PAXIP1: variants seen among roughly 807,000 people sequenced by gnomAD.
PAXIP1 encodes the protein PAX-interacting protein 1.
In PAXIP1, 19 loss-of-function variants were observed where a neutral mutation model predicts 140.6. The ratio of observed to expected loss-of-function variants is 0.14; its 90% confidence interval spans 0.09 to 0.20. The LOEUF (loss-of-function observed/expected upper bound fraction) is 0.20, where lower values mean the gene tolerates loss of function less well. PAXIP1 is among the 10% of genes least tolerant of loss of function. PAXIP1 has a pLI of 1.00. For synonymous variants in PAXIP1, 442 were observed against 444.6 expected, an observed-to-expected ratio of 0.99 and a Z score of 0.07; for missense variants, 920 against 1,208.6, an observed-to-expected ratio of 0.76 and a Z score of 3.54.
At position 154,946,694 on chromosome 7, in the gene PAXIP1, C is replaced by T. The variant is rs61752002; in HGVS notation, c.3042G>A (p.Glu1014=). The part of the protein sequence containing the change: ...SKQPSFRKLM[E]HKQNSSLSEI... ...CTCTACCCACCGAGTTCTGCTTGTG[C>T]TCCATGAGCTTCCGGAAAGATGGCT... Residue 1014 remains glutamate (E), a synonymous_variant, in exon 18 of 21, where the codon GAG becomes GAA. Transcript: ENST00000404141. The surrounding 1 kb of genome is among the most constrained non-coding windows in gnomAD (Gnocchi z 4.9). 1.1e-4 allele frequency: 179 copies of T among 1,613,696 alleles called. No individual in the cohort carries two copies. The highest frequency in any genetic ancestry group is 1.5e-4 in the Non-Finnish European group (174 of 1,179,864).
At chr7:154,983,491 TTATTA>T in intron 4 of PAXIP1, 159 bp from the exon 5 acceptor site, 1 of 552,240 alleles carries the variant, frequency 1.8e-6, no homozygotes, top group Admixed American at 3.9e-5. Context: ...AGCTATCTGC[TTATTA>T]TAACAAAAAC....
intron 20 of PAXIP1, chr7:154,945,827 G>A (rs1209445934): frequency 1.0e-6 from 1 of 983,758 alleles, no homozygotes; most frequent in East Asian, 1.1e-4. Flanking sequence ...CAGATGATGA[G>A]CTTTATTTTT....
chr7:154,972,970 G>T (rs1388631931), intron 6 of PAXIP1, among the ~76,000 whole-genome samples: 1 of 152,202 alleles, frequency 6.6e-6, no homozygotes, highest in Non-Finnish European at 1.5e-5. Flanking sequence ...TTGCTGCTCT[G>T]TGGCTGAGGC....
In PAXIP1 at chr7:154,978,090, T is replaced by A. The variant is rs1425191197; in HGVS notation, c.439-1759A>T. Among the ~76,000 whole-genome samples the A allele has an allele frequency of 8.5e-5, 13 of 152,358 alleles. No individual in the cohort carries two copies. The East Asian group carries it at 2.5e-3, about 29-fold the overall frequency. On this transcript the variant is annotated intron_variant, in intron 5 of 20. Coordinates refer to ENST00000404141, the MANE Select transcript of PAXIP1 (RefSeq NM_007349.4). ...TTCTCCTGAACTTTGTTTACGGATC[T>A]CAAATTGATAAAGACTTTCTAAACC...
rs200868075 is a variant in PAXIP1 at position 154,946,437 on chromosome 7, G to A, written c.3134-12C>T. ...TGCATTGTGAACATCTGAACAGGGT[G>A]GAAACAGACACTTTAGTTAGAGATC... On this transcript the variant is annotated splice_polypyrimidine_tract_variant and intron_variant, in intron 19 of 20. Transcript: ENST00000404141. The surrounding 1 kb of genome is among the most constrained non-coding windows in gnomAD (Gnocchi z 4.9). 4.9e-5 allele frequency: 79 copies of A among 1,612,716 alleles called. No homozygotes were observed. In the African/African-American group the frequency reaches 1.0e-3, roughly 20 times the overall value.
intron 3 of PAXIP1, among the ~76,000 whole-genome samples, chr7:154,991,570 A>G (rs983705138): frequency 6.6e-6 from 1 of 152,250 alleles, no homozygotes; most frequent in Non-Finnish European, 1.5e-5. Flanking sequence ...GAACTTAGGC[A>G]AGACAACTGT....
At chr7:154,961,482 T>A (rs1398462701) in intron 11 of PAXIP1, 45 bp downstream of exon 11, 1 of 1,489,632 alleles carries the variant, frequency 6.7e-7, no homozygotes, top group Non-Finnish European at 9.1e-7. Flanking sequence ...GCCACTATAT[T>A]GTGTGTAAAT....
At position 154,963,836 on chromosome 7, in the gene PAXIP1, A is replaced by C; in HGVS notation, c.1894-70T>G. 9.9e-7 allele frequency: 1 copy of C among 1,010,544 alleles called. No homozygotes were observed. Among genetic ancestry groups the C allele is most frequent in the Admixed American group, 1.9e-5 (1 of 51,290 alleles). The allele number at this position is 1,010,544 out of a possible 1,614,324, so 62.6% of individuals were successfully genotyped here. A position where few individuals can be genotyped will look rare whatever the true frequency, so the allele number is the denominator to read the frequency against. On this transcript the variant is annotated intron_variant, in intron 8 of 20. Coordinates refer to ENST00000404141, the MANE Select transcript of PAXIP1 (RefSeq NM_007349.4). This position sits in a 1 kb window ranked among gnomAD's most constrained non-coding sequence, Gnocchi z 4.1. ...TAGAGGAGAATTCCAATTTCAAATA[A>C]GGCAGCTATTAAAAGACTCTATCAT...
Position 154,969,134 on chromosome 7 carries a change from A to C in PAXIP1, c.1075-8T>G. 1 of 1,455,708 alleles carries C rather than the reference A, an allele frequency of 6.9e-7. No homozygotes were observed. The highest frequency in any genetic ancestry group is 1.5e-5 in the South Asian group (1 of 68,316). 90.2% of individuals were successfully genotyped at this position (1,455,708 alleles called of 1,614,324 possible). A position where few individuals can be genotyped will look rare whatever the true frequency, so the allele number is the denominator to read the frequency against. On this transcript the variant is annotated splice_region_variant and splice_polypyrimidine_tract_variant and intron_variant, in intron 6 of 20. Coordinates refer to ENST00000404141, the MANE Select transcript of PAXIP1 (RefSeq NM_007349.4). ...TGAAAGAGTCTGTAAGATCTACAAA[A>C]CAAAAGTTAGGTGAAACATTATCAA...
intron 20 of PAXIP1, chr7:154,944,961 G>C (rs1485951692): frequency 6.6e-6 from 1 of 151,212 alleles, no homozygotes; most frequent in Non-Finnish European, 1.5e-5. Context: ...TTGGATTCTG[G>C]GACTGAGGCA....
In PAXIP1 at chr7:154,956,578, T is replaced by G. The variant is rs892090831; in HGVS notation, c.2549+646A>C. The G allele has an allele frequency of 6.6e-6, 1 of 152,282 alleles. No homozygotes were observed. 9.4% of individuals were successfully genotyped at this position (152,282 alleles called of 1,614,324 possible). ...GAAGGACTTCATTATTGACTCCTGCTGGCCGACATGACACTAAAATGATAT... is the reference window on the plus strand; with the variant it reads ...GAAGGACTTCATTATTGACTCCTGCGGGCCGACATGACACTAAAATGATAT... On this transcript the variant is annotated intron_variant, in intron 14 of 20. Transcript: ENST00000404141. The surrounding 1 kb of genome is among the most constrained non-coding windows in gnomAD (Gnocchi z 4.2).
chr7:154,985,434 C>T (rs1054608097), intron 4 of PAXIP1, among the ~76,000 whole-genome samples: 1 of 152,158 alleles, frequency 6.6e-6, no homozygotes, highest in Admixed American at 6.5e-5. Flanking sequence ...GAGCACTGCC[C>T]CCACGTGCAC....
intron 2 of PAXIP1, among the ~76,000 whole-genome samples, chr7:154,994,669 GC>G (rs1283666536): frequency 1.3e-5 from 2 of 151,970 alleles, no homozygotes; most frequent in Non-Finnish European, 2.9e-5. Context: ...ACAATGAAAT[GC>G]CCCCCTTATC....
chr7:154,945,715 G>T, intron 20 of PAXIP1: 1 of 985,352 alleles, frequency 1.0e-6, no homozygotes, highest in Non-Finnish European at 1.2e-6. Flanking sequence ...AGTGGAAACA[G>T]AATTTTCCCA....
At chr7:154,948,172 A>G (rs1410105644) in intron 16 of PAXIP1, 169 bp from the exon 17 acceptor site, 13 of 592,780 alleles carry the variant, frequency 2.2e-5, no homozygotes, top group Non-Finnish European at 3.9e-5. Context: ...ACTTCCCTCT[A>G]AAAACAGCCA....
intron 5 of PAXIP1, among the ~76,000 whole-genome samples, chr7:154,977,146 A>C (rs1171394422): frequency 6.6e-6 from 1 of 152,202 alleles, no homozygotes; most frequent in Non-Finnish European, 1.5e-5. Context: ...TATGTTCGGC[A>C]AGCTAACAGA....
chr7:154,973,986 C>T lies in PAXIP1; in HGVS notation c.1074+1710G>A, dbSNP rs1348531016. 6.6e-6 allele frequency among the ~76,000 whole-genome samples: 1 copy of T among 152,182 alleles called. No individual in the cohort carries two copies. The highest frequency in any genetic ancestry group is 1.5e-5 in the Non-Finnish European group (1 of 68,020). On this transcript the variant is annotated intron_variant, in intron 6 of 20. Coordinates refer to ENST00000404141, the MANE Select transcript of PAXIP1 (RefSeq NM_007349.4). This position sits in a 1 kb window ranked among gnomAD's most constrained non-coding sequence, Gnocchi z 4.0. ...AATGGTGCGGCTCCTCAGAGCCTGG[C>T]CCCAGACCCTCCTCTTGCTCTGCCC...
intron 1 of PAXIP1, chr7:155,000,698 T>C (rs1197419911): frequency 6.6e-6 from 1 of 152,244 alleles, no homozygotes; most frequent in Non-Finnish European, 1.5e-5. Context: ...CCAAAACCAA[T>C]AGCTTCTCTT....
intron 5 of PAXIP1, among the ~76,000 whole-genome samples, chr7:154,982,682 G>T (rs973168421): frequency 6.6e-6 from 1 of 152,158 alleles, no homozygotes; most frequent in Non-Finnish European, 1.5e-5. Context: ...GTCCCCAAGG[G>T]GGGCAGATGC....
Sources: gnomAD v4.1 joint callset for allele counts (sites outside exome capture counted in the v4.1 genomes callset) on GRCh38, gnomAD v4.1.1 for gene constraint, Gnocchi (gnomAD v3.1) non-coding constraint, MANE v1.5 for transcripts, NCBI Gene and HGNC (gene_info 2026-07-23, HGNC 2026-07-21) for gene names.